RBFOX1: variants seen among roughly 807,000 people sequenced by gnomAD.
RBFOX1 encodes RNA binding fox-1 homolog 1.
Under a neutral mutation model 57.7 loss-of-function variants are expected in RBFOX1, and 8 were observed. The observed-to-expected ratio is 0.14, with a 90% CI of 0.08 to 0.25. The LOEUF is 0.25. Among genes scored for constraint, RBFOX1 ranks in the 10% least tolerant of loss-of-function variants. The pLI is 1.00. For synonymous variants in RBFOX1, 326 were observed against 222.4 expected (o/e 1.47, Z -4.15); for missense variants, 611 against 548.5 (o/e 1.11, Z -1.14).
At chr16:7,665,470 C>T (rs889764931) in intron 13 of RBFOX1, among the ~76,000 whole-genome samples, 1 of 152,126 alleles carries the variant, frequency 6.6e-6, no homozygotes, top group Non-Finnish European at 1.5e-5. Context: ...TCCTGATTCT[C>T]TTAATATGTA....
At chr16:5,246,955 G>A (rs1429485042) in intron 1 of RBFOX1, among the ~76,000 whole-genome samples, 1 of 152,182 alleles carries the variant, frequency 6.6e-6, no homozygotes, top group East Asian at 1.9e-4. Flanking sequence ...ACAGACATGA[G>A]CCACCATGCC....
intron 2 of RBFOX1, among the ~76,000 whole-genome samples, chr16:5,506,037 TCA>T (rs1241132389): frequency 6.6e-6 from 1 of 152,170 alleles, no homozygotes; most frequent in African/African-American, 2.4e-5. Context: ...AGGGTATCTC[TCA>T]GAGTCCTAGA....
At chr16:5,762,592 A>C (rs1339084381) in intron 3 of RBFOX1, among the ~76,000 whole-genome samples, 1 of 152,234 alleles carries the variant, frequency 6.6e-6, no homozygotes, top group Non-Finnish European at 1.5e-5. Flanking sequence ...ATGTGTTCGC[A>C]AACTTAGCCG....
rs1478825837 is a variant in RBFOX1 at position 7,587,288 on chromosome 16, G to A, written c.456G>A (p.Glu152=). The change falls in exon 7 of 16, where the codon GAG becomes GAA. Residue 152 remains glutamate (E), a synonymous_variant. Transcript: ENST00000550418. ...TAGATGTTGAAATTATTTTTAATGA[G>A]CGAGGCTCAAAGGTAAGCAACTTAA... ...KILDVEIIFN[E]RGSKGFGFVT... 1.2e-5 allele frequency: 19 copies of A among 1,561,590 alleles called. No homozygotes were observed. The highest frequency in any genetic ancestry group is 1.6e-5 in the Non-Finnish European group (19 of 1,155,934).
At chr16:7,672,192 C>A (rs759026214) in intron 13 of RBFOX1, among the ~76,000 whole-genome samples, 2 of 152,124 alleles carry the variant, frequency 1.3e-5, no homozygotes. Context: ...GCTAAAGCAA[C>A]CACCAACTGA....
intron 4 of RBFOX1, among the ~76,000 whole-genome samples, chr16:7,278,852 C>T (rs1014635135): frequency 6.6e-6 from 1 of 152,182 alleles, no homozygotes; most frequent in Admixed American, 6.5e-5. Context: ...CCAAGGCTGT[C>T]TTGTTCTCAG....
At chr16:7,491,956 G>C (rs2067108471) in intron 4 of RBFOX1, among the ~76,000 whole-genome samples, 2 of 152,036 alleles carry the variant, frequency 1.3e-5, no homozygotes, top group South Asian at 4.2e-4. Flanking sequence ...TCTGAATATT[G>C]ATGATTATAG....
At chr16:5,964,759 GTA>G (rs146848508) in intron 4 of RBFOX1, among the ~76,000 whole-genome samples, 46 of 149,232 alleles carry the variant, frequency 3.1e-4, no homozygotes, top group East Asian at 5.9e-4. Flanking sequence ...GTGTGTATAT[GTA>G]TATATATATA....
rs78978717 is a variant in RBFOX1, at chr16:7,645,170, G to C, written c.758-8645G>C. On this transcript the variant is annotated intron_variant, in intron 11 of 15. Coordinates refer to ENST00000550418, the MANE Select transcript of RBFOX1 (RefSeq NM_018723.4). ...CAATTCCTTCGATGCATCCCAATCA[G>C]ACCTATAACAGCCTAGAAACTTCTG... Among the ~76,000 whole-genome samples, 3 of 151,976 alleles carry C rather than the reference G, an allele frequency of 2.0e-5. No homozygotes were observed. The East Asian group carries it at 5.8e-4, about 29-fold the overall frequency.
At chr16:6,122,257 G>T (rs2096555989) in intron 1 of RBFOX1, among the ~76,000 whole-genome samples, 1 of 151,736 alleles carries the variant, frequency 6.6e-6, no homozygotes, top group South Asian at 2.1e-4. Flanking sequence ...CGTCCTGATT[G>T]TCTCATCTGC....
chr16:6,363,432 C>T (rs946962248), intron 2 of RBFOX1, among the ~76,000 whole-genome samples: 16 of 152,178 alleles, frequency 1.1e-4, no homozygotes, highest in African/African-American at 3.6e-4. Flanking sequence ...GAAATACTGT[C>T]AAAGGGACTG....
At chr16:6,773,931 G>A in intron 3 of RBFOX1, 1 of 985,266 alleles carries the variant, frequency 1.0e-6, no homozygotes, top group Non-Finnish European at 1.2e-6. Context: ...GGTGTGGAGT[G>A]TGTTTGTGTG....
intron 12 of RBFOX1, among the ~76,000 whole-genome samples, chr16:7,663,805 A>C (rs1418349661): frequency 6.6e-6 from 1 of 152,218 alleles, no homozygotes; most frequent in Non-Finnish European, 1.5e-5. Flanking sequence ...GATCCTTACA[A>C]AAACCTGTGA....
intron 3 of RBFOX1, among the ~76,000 whole-genome samples, chr16:6,945,356 C>T (rs951075144): frequency 6.6e-6 from 1 of 152,122 alleles, no homozygotes; most frequent in Non-Finnish European, 1.5e-5. Flanking sequence ...TGTTATCAGT[C>T]AAACATGGCC....
At chr16:5,442,526 C>T (rs1169353012) in intron 1 of RBFOX1, among the ~76,000 whole-genome samples, 2 of 152,084 alleles carry the variant, frequency 1.3e-5, no homozygotes, top group African/African-American at 2.4e-5. Context: ...ATGATAATGT[C>T]GTAAAGTGGC....
At chr16:5,368,075 C>T (rs1000197345) in intron 1 of RBFOX1, among the ~76,000 whole-genome samples, 6 of 152,180 alleles carry the variant, frequency 3.9e-5, no homozygotes, top group African/African-American at 1.4e-4. Context: ...TCTAACCAGT[C>T]ACAAATCAGT....
At chr16:5,625,193 GC>G (rs1310254661) in intron 3 of RBFOX1, among the ~76,000 whole-genome samples, 1 of 151,988 alleles carries the variant, frequency 6.6e-6, no homozygotes, top group South Asian at 2.1e-4. Context: ...TGGAAGATGA[GC>G]CCCCCAGAAC....
intron 4 of RBFOX1, among the ~76,000 whole-genome samples, chr16:7,326,548 A>G (rs2047589335): frequency 6.6e-6 from 1 of 152,184 alleles, no homozygotes; most frequent in South Asian, 2.1e-4. Flanking sequence ...ATTCTGAAGA[A>G]TGAATTAAAA....
chr16:7,019,199 A>G (rs572139800), intron 3 of RBFOX1, among the ~76,000 whole-genome samples: 2 of 152,096 alleles, frequency 1.3e-5, no homozygotes. Flanking sequence ...TATTTTATAT[A>G]AAATTATATA....
Sources: gnomAD v4.1 joint callset for allele counts (sites outside exome capture counted in the v4.1 genomes callset) on GRCh38, gnomAD v4.1.1 for gene constraint, MANE v1.5 for transcripts, NCBI Gene and HGNC (gene_info 2026-07-23, HGNC 2026-07-21) for gene names.